AFF3: variants seen among roughly 807,000 people sequenced by gnomAD.
The protein encoded by AFF3 is AF4/FMR2 family member 3.
AFF3 carries 32 observed loss-of-function variants against 129.7 expected under a neutral mutation model. That is an observed-to-expected ratio of 0.25 (90% CI 0.19 to 0.33). AFF3 has a LOEUF of 0.33. Ranked by LOEUF, AFF3 falls within the 10% of genes least tolerant of loss-of-function variation. AFF3 has a pLI of 1.00. For synonymous variants in AFF3, 644 were observed against 635.4 expected, an observed-to-expected ratio of 1.01 and a Z score of -0.20; for missense variants, 1,373 against 1,592.0, an observed-to-expected ratio of 0.86 and a Z score of 2.34.
intron 8 of AFF3, among the ~76,000 whole-genome samples, chr2:99,774,278 G>A (rs1683720150): frequency 6.6e-6 from 1 of 152,096 alleles, no homozygotes. Flanking sequence ...AAATAGCCAA[G>A]GCAATCCTAA....
At chr2:100,105,880 G>A in intron 2 of AFF3, 2 of 1,332,498 alleles carry the variant, frequency 1.5e-6, no homozygotes, top group African/African-American at 1.5e-5. Flanking sequence ...ACCAAACCTC[G>A]CACTCCCCGC....
At chr2:99,587,570 T>A (rs1369351729) in intron 15 of AFF3, among the ~76,000 whole-genome samples, 3 of 152,212 alleles carry the variant, frequency 2.0e-5, no homozygotes, top group African/African-American at 7.2e-5. Flanking sequence ...GCTTAGGATT[T>A]AGCCCTCCAA....
intron 8 of AFF3, among the ~76,000 whole-genome samples, chr2:99,764,105 G>A (rs1682823985): frequency 6.6e-6 from 1 of 152,216 alleles, no homozygotes; most frequent in Non-Finnish European, 1.5e-5. Flanking sequence ...TGGAAACACT[G>A]AGGGTAACTC....
At chr2:99,599,519 G>C (rs1307293184) in intron 14 of AFF3, among the ~76,000 whole-genome samples, 2 of 152,168 alleles carry the variant, frequency 1.3e-5, no homozygotes, top group Non-Finnish European at 2.9e-5. Context: ...GCCTCCCAAA[G>C]TGCTGGGATT....
intron 7 of AFF3, among the ~76,000 whole-genome samples, chr2:99,924,132 C>G (rs1696059233): frequency 1.3e-5 from 2 of 152,186 alleles, no homozygotes; most frequent in Admixed American, 1.3e-4. Flanking sequence ...CCCCTGAGCT[C>G]ACCTGCCCTG....
At chr2:99,560,132 C>T (rs2104563912) in intron 21 of AFF3, among the ~76,000 whole-genome samples, 1 of 152,366 alleles carries the variant, frequency 6.6e-6, no homozygotes, top group Middle Eastern at 3.4e-3. Flanking sequence ...CACAGTGGCT[C>T]ATGCCTGTAA....
rs920020606 is a variant in AFF3 at position 99,958,417 on chromosome 2, T to A, written c.873+48215A>T. Among the ~76,000 whole-genome samples the A allele has an allele frequency of 7.4e-5, 11 of 148,342 alleles. 1 individual carries two copies. Among genetic ancestry groups the A allele is most frequent in the African/African-American group, 2.7e-4 (11 of 40,122 alleles). On this transcript the variant is annotated intron_variant, in intron 7 of 24. Transcript: ENST00000672756. ...CTGAGGCAGGAGAATCACTTGAACC[T>A]AGGAGGTGAAGGAGCCGAGATCGTG...
chr2:99,930,965 C>T (rs900058949), intron 7 of AFF3, among the ~76,000 whole-genome samples: 2 of 152,160 alleles, frequency 1.3e-5, no homozygotes, highest in Non-Finnish European at 2.9e-5. Context: ...TGTCTAAGCA[C>T]TTACATACTG....
chr2:100,120,056 G>T (rs1025792564), intron 2 of AFF3, among the ~76,000 whole-genome samples: 7 of 152,196 alleles, frequency 4.6e-5, no homozygotes, highest in Non-Finnish European at 8.8e-5. Context: ...TGGCAGCAAA[G>T]GGATATCATC....
intron 7 of AFF3, among the ~76,000 whole-genome samples, chr2:99,917,225 A>T (rs1355578002): frequency 6.6e-6 from 1 of 152,214 alleles, no homozygotes; most frequent in African/African-American, 2.4e-5. Flanking sequence ...GAAGGGCCAG[A>T]GCCCTGAGGC....
intron 7 of AFF3, among the ~76,000 whole-genome samples, chr2:99,989,059 C>T (rs1253128435): frequency 1.3e-5 from 2 of 152,126 alleles, no homozygotes; most frequent in African/African-American, 2.4e-5. Context: ...CAAAGAGTAA[C>T]TTCAAAGGTT....
chr2:100,099,808 GAGAA>G (rs1028143627), intron 4 of AFF3, among the ~76,000 whole-genome samples: 10 of 152,194 alleles, frequency 6.6e-5, no homozygotes, highest in Non-Finnish European at 1.3e-4. Flanking sequence ...AAAGAAAAAA[GAGAA>G]AGAAAGAGGA....
intron 4 of AFF3, among the ~76,000 whole-genome samples, chr2:100,092,447 G>A (rs1457178298): frequency 6.6e-6 from 1 of 152,098 alleles, no homozygotes; most frequent in Non-Finnish European, 1.5e-5. Flanking sequence ...TCCATCTATA[G>A]TGCCTTCTAG....
Position 99,601,624 on chromosome 2 carries a change from G to T in AFF3, c.1185-3C>A. 6.3e-7 allele frequency: 1 copy of T among 1,588,620 alleles called. No individual in the cohort carries two copies. The highest frequency in any genetic ancestry group is 8.5e-7 in the Non-Finnish European group (1 of 1,173,460). On this transcript the variant is annotated splice_region_variant and splice_polypyrimidine_tract_variant and intron_variant, in intron 13 of 24. Coordinates refer to ENST00000672756, the MANE Select transcript of AFF3 (RefSeq NM_001386135.1). ...AGTTGGGCTGCTGGACCACGGCGCT[G>T]CCAGCCCGCGAGGCCCCCGGGAAGC...
chr2:100,085,427 C>T (rs1331961256), intron 4 of AFF3, among the ~76,000 whole-genome samples: 2 of 152,096 alleles, frequency 1.3e-5, no homozygotes, highest in East Asian at 1.9e-4. Context: ...CTTTATGCAA[C>T]ATCATTTCCT....
intron 7 of AFF3, among the ~76,000 whole-genome samples, chr2:99,911,745 T>C (rs114669445): frequency 0.018 from 2,698 of 152,272 alleles, 92 homozygotes; most frequent in African/African-American, 0.062. Flanking sequence ...GAAAGACTTG[T>C]ATCAAAAACA....
At chr2:99,861,319 T>A (rs1189648534) in intron 7 of AFF3, among the ~76,000 whole-genome samples, 1 of 152,182 alleles carries the variant, frequency 6.6e-6, no homozygotes, top group Non-Finnish European at 1.5e-5. Context: ...TGTAGGCTCT[T>A]TCTATGGTAA....
intron 15 of AFF3, among the ~76,000 whole-genome samples, chr2:99,591,015 A>T (rs35009255): frequency 0.16 from 23,976 of 146,592 alleles, 2,128 homozygotes; most frequent in South Asian, 0.22. Context: ...AAAAAAAAAA[A>T]TTTTTTTTTC....
At position 99,546,548 on chromosome 2, in the gene AFF3, G is replaced by C. The variant is rs891439729; in HGVS notation, c.*4926C>G. On this transcript the variant is annotated 3_prime_UTR_variant, in exon 25 of 25. Coordinates refer to ENST00000672756, the MANE Select transcript of AFF3 (RefSeq NM_001386135.1). ...AGGACATGGGCTGGATCAGGTGAAG[G>C]GATGGTTTTGCTTTTGTTGCTGTTT... 4.3e-6 allele frequency: 1 copy of C among 232,812 alleles called. No individual in the cohort carries two copies. The highest frequency in any genetic ancestry group is 8.5e-6 in the Non-Finnish European group (1 of 117,874). 14.4% of individuals were successfully genotyped at this position (232,812 alleles called of 1,614,324 possible).
Sources: gnomAD v4.1 joint callset for allele counts (sites outside exome capture counted in the v4.1 genomes callset) on GRCh38, gnomAD v4.1.1 for gene constraint, MANE v1.5 for transcripts, NCBI Gene and HGNC (gene_info 2026-07-23, HGNC 2026-07-21) for gene names.